Variants in SLC4A10 observed in about 807,000 individuals in gnomAD.
SLC4A10 encodes solute carrier family 4 member 10, also known as sodium-driven chloride bicarbonate exchanger.
A neutral mutation model predicts 137.7 loss-of-function variants in SLC4A10; 42 were observed. That is an observed-to-expected ratio of 0.30 (90% CI 0.24 to 0.39). The LOEUF (loss-of-function observed/expected upper bound fraction) is 0.39, where lower values mean the gene tolerates loss of function less well. Among genes scored for constraint, SLC4A10 ranks in the 10% least tolerant of loss-of-function variants. The probability of loss-of-function intolerance (pLI) is 1.00; values close to 1 mark genes in which losing one functional copy is unlikely to be tolerated. For synonymous variants in SLC4A10, 474 were observed against 464.1 expected (o/e 1.02, Z -0.27); for missense variants, 925 against 1,355.0 (o/e 0.68, Z 4.98).
chr2:161,802,958 T>A (rs2125593165), intron 2 of SLC4A10, among the ~76,000 whole-genome samples: 1 of 152,254 alleles, frequency 6.6e-6, no homozygotes, highest in Non-Finnish European at 1.5e-5. Flanking sequence ...CTTTAAAATA[T>A]AAACCTCGGG....
intron 1 of SLC4A10, among the ~76,000 whole-genome samples, chr2:161,625,771 C>T (rs959024054): frequency 1.3e-5 from 2 of 151,984 alleles, no homozygotes; most frequent in Non-Finnish European, 2.9e-5. Context: ...ATGCCCAGTT[C>T]TCCTGCGGAC....
At chr2:161,794,063 T>C (rs1187642207) in intron 2 of SLC4A10, among the ~76,000 whole-genome samples, 1 of 152,138 alleles carries the variant, frequency 6.6e-6, no homozygotes, top group Non-Finnish European at 1.5e-5. Context: ...ATTGAAACAT[T>C]GTTTATATGT....
At chr2:161,747,007 T>C (rs2048456430) in intron 1 of SLC4A10, among the ~76,000 whole-genome samples, 1 of 152,130 alleles carries the variant, frequency 6.6e-6, no homozygotes, top group African/African-American at 2.4e-5. Flanking sequence ...AGCTTCAAGC[T>C]GTGATGCCTG....
At chr2:161,746,967 G>C (rs1183912536) in intron 1 of SLC4A10, among the ~76,000 whole-genome samples, 1 of 152,056 alleles carries the variant, frequency 6.6e-6, no homozygotes, top group Non-Finnish European at 1.5e-5. Flanking sequence ...TGCAAGCCGA[G>C]GTCCTCTTTA....
At chr2:161,701,024 C>T (rs187681217) in intron 1 of SLC4A10, among the ~76,000 whole-genome samples, 132 of 152,128 alleles carry the variant, frequency 8.7e-4, no homozygotes, top group Middle Eastern at 3.4e-3. Context: ...ACACGCAGTG[C>T]GCTACCTGCT....
At chr2:161,797,402 A>T (rs756914988) in intron 2 of SLC4A10, among the ~76,000 whole-genome samples, 1 of 152,096 alleles carries the variant, frequency 6.6e-6, no homozygotes, top group Non-Finnish European at 1.5e-5. Flanking sequence ...GTGAACTCCT[A>T]CAGCATTTGA....
chr2:161,949,292 TCTCTCGGTCTAATCTTCA>T (rs1485608722), intron 18 of SLC4A10, 31 bp downstream of exon 18: 1 of 1,383,410 alleles, frequency 7.2e-7, no homozygotes, highest in Non-Finnish European at 1.0e-6. Context: ...TCTTCCCATC[TCTCTCGGTCTAATCTTCA>T]TTTAGATGAT....
chr2:161,687,224 A>C (rs1237697271), intron 1 of SLC4A10, among the ~76,000 whole-genome samples: 1 of 152,160 alleles, frequency 6.6e-6, no homozygotes, highest in Non-Finnish European at 1.5e-5. Context: ...TGAATTGCTA[A>C]GTGGAAAAAA....
chr2:161,710,737 A>C (rs1272820630), intron 1 of SLC4A10: 1 of 454,952 alleles, frequency 2.2e-6, no homozygotes, highest in Admixed American at 2.4e-5. Context: ...ATTATACATC[A>C]TAAAGGTTTT....
At chr2:161,903,719 A>G (rs562010064) in intron 12 of SLC4A10, among the ~76,000 whole-genome samples, 2 of 152,284 alleles carry the variant, frequency 1.3e-5, no homozygotes, top group African/African-American at 4.8e-5. Flanking sequence ...GTAATCCTTG[A>G]ATCTCATTAT....
Position 161,966,528 on chromosome 2 carries a change from G to A in SLC4A10, c.3159+1355G>A, listed in dbSNP as rs559708247. ...GCAGTTTGGGAGGCTGAGGCGGGCAGATCACGAGATCAGGAGATAAGACCA... is the reference window on the plus strand; with the variant it reads ...GCAGTTTGGGAGGCTGAGGCGGGCAAATCACGAGATCAGGAGATAAGACCA... On this transcript the variant is annotated intron_variant, in intron 23 of 26. Transcript: ENST00000446997. Among the ~76,000 whole-genome samples, 4 of 152,166 alleles carry A rather than the reference G, an allele frequency of 2.6e-5. No individual in the cohort carries two copies. In the South Asian group the frequency reaches 8.3e-4, roughly 32 times the overall value.
intron 4 of SLC4A10, among the ~76,000 whole-genome samples, chr2:161,849,709 A>G (rs2059714421): frequency 6.6e-6 from 1 of 152,072 alleles, no homozygotes; most frequent in Non-Finnish European, 1.5e-5. Context: ...ACATTTATTG[A>G]TTTGCATATG....
chr2:161,643,908 G>T (rs913086596), intron 1 of SLC4A10, among the ~76,000 whole-genome samples: 4 of 152,026 alleles, frequency 2.6e-5, no homozygotes, highest in Admixed American at 6.6e-5. Flanking sequence ...TAAGAGAGAT[G>T]GTTCAAAATA....
At chr2:161,815,755 A>G (rs2056996658) in intron 3 of SLC4A10, among the ~76,000 whole-genome samples, 1 of 152,194 alleles carries the variant, frequency 6.6e-6, no homozygotes, top group African/African-American at 2.4e-5. Flanking sequence ...TTTAATAACC[A>G]CTTAAATAAT....
intron 9 of SLC4A10, among the ~76,000 whole-genome samples, 179 bp from the exon 10 acceptor site, chr2:161,882,178 A>G (rs950269413): frequency 5.9e-5 from 9 of 151,808 alleles, no homozygotes; most frequent in African/African-American, 1.9e-4. Flanking sequence ...TGAGGATCTT[A>G]AGCATAAGGG....
chr2:161,925,901 A>C (rs1688979953), intron 15 of SLC4A10, among the ~76,000 whole-genome samples: 1 of 152,116 alleles, frequency 6.6e-6, no homozygotes, highest in Non-Finnish European at 1.5e-5. Flanking sequence ...GTTTGATTGC[A>C]CTGTGGTCTG....
chr2:161,905,710 T>C lies in SLC4A10; in HGVS notation c.1820T>C (p.Ile607Thr), dbSNP rs1346008260. The C allele has an allele frequency of 1.9e-6, 3 of 1,614,036 alleles. No individual in the cohort carries two copies. Among genetic ancestry groups the C allele is most frequent in the East Asian group, 2.2e-5 (1 of 44,882 alleles). ...CTTTGGACTGCAACTCTATGTATCA[T>C]ACTTGTGGCCACAGATGCTAGTTCC... The part of the protein sequence containing the change: ...IGLWTATLCI[I>T]LVATDASSLV... Residue 607 changes from isoleucine to threonine, a missense_variant, in exon 15 of 27, where the codon ATA becomes ACA. Around this residue, in one of 11 missense-constraint regions of SLC4A10, gnomAD observed 61 missense variants for 168.0 expected, o/e 0.36. Transcript: ENST00000446997.
Position 161,894,745 on chromosome 2 carries a change from C to G in SLC4A10, c.1261C>G (p.Leu421Val), listed in dbSNP as rs370972333. ...NDLVSGIDEF[L>V]DQVTVLPPGE... is the part of the protein sequence containing the mutation. ...CTTGGTATCAGGAATTGATGAGTTT[C>G]TGGATCAGGTTACTGTTCTCCCTCC... Residue 421 changes from leucine (L) to valine (V), a missense_variant, in exon 11 of 27, where the codon CTG (leucine) becomes GTG (valine). By Grantham distance (32) the Leu-to-Val change is conservative (BLOSUM62 1). Around this residue, in one of 11 missense-constraint regions of SLC4A10, gnomAD observed 15 missense variants for 49.1 expected, o/e 0.31. Coordinates refer to ENST00000446997, the MANE Select transcript of SLC4A10 (RefSeq NM_001178015.2). 5 of 1,448,258 alleles carry G rather than the reference C, an allele frequency of 3.5e-6. No homozygotes were observed. Among genetic ancestry groups the G allele is most frequent in the Non-Finnish European group, 4.6e-6 (5 of 1,090,122 alleles). The allele number at this position is 1,448,258 out of a possible 1,614,324, so 89.7% of individuals were successfully genotyped here.
chr2:161,923,581 A>T (rs553744127), intron 15 of SLC4A10, among the ~76,000 whole-genome samples: 2 of 152,176 alleles, frequency 1.3e-5, no homozygotes, highest in East Asian at 1.9e-4. Flanking sequence ...AGGACAAAAA[A>T]CCAAACACTG....
Sources: allele counts gnomAD v4.1 joint callset (sites outside exome capture counted in the v4.1 genomes callset), GRCh38; gene constraint gnomAD v4.1.1; regional missense constraint gnomAD v4.1.1; transcripts MANE v1.5; gene names NCBI Gene and HGNC (gene_info 2026-07-23, HGNC 2026-07-21).